Variants in MALRD1 observed in about 807,000 individuals in gnomAD.
The protein encoded by MALRD1 is MAM and LDL-receptor class A domain-containing protein 1.
A neutral mutation model predicts 242.1 loss-of-function variants in MALRD1; 247 were observed. The ratio of observed to expected loss-of-function variants is 1.02; its 90% CI spans 0.92 to 1.13. The LOEUF (loss-of-function observed/expected upper bound fraction) is 1.13, where lower values mean the gene tolerates loss of function less well. MALRD1 is among the 50% of genes most tolerant of loss of function. The pLI is 0.00. For synonymous variants in MALRD1, 995 were observed against 866.6 expected (o/e 1.15, Z -2.60); for missense variants, 2,989 against 2,533.1 (o/e 1.18, Z -3.86).
intron 34 of MALRD1, among the ~76,000 whole-genome samples, chr10:19,604,104 G>A (rs181155298): frequency 1.7e-4 from 26 of 152,278 alleles, no homozygotes; most frequent in African/African-American, 5.5e-4. Context: ...CACCAAGATA[G>A]GCTGAAAGCT....
At chr10:19,099,773 A>AT (rs969841303) in intron 4 of MALRD1, among the ~76,000 whole-genome samples, 9 of 100,838 alleles carry the variant, frequency 8.9e-5, no homozygotes, top group Admixed American at 2.2e-4. Flanking sequence ...ATTTTTTTTA[A>AT]TTTTTTTTGC....
chr10:19,548,033 T>C (rs1203084034), intron 32 of MALRD1, among the ~76,000 whole-genome samples: 4 of 123,068 alleles, frequency 3.3e-5, no homozygotes, highest in African/African-American at 9.6e-5. Flanking sequence ...AAAGTTTCCC[T>C]CTTGTTGGCC....
intron 11 of MALRD1, among the ~76,000 whole-genome samples, chr10:19,147,651 T>C (rs1220902077): frequency 6.6e-6 from 1 of 152,226 alleles, no homozygotes. Flanking sequence ...GATCCCTGCC[T>C]TTGAGGTGGT....
At chr10:19,511,388 T>G (rs1168299977) in intron 31 of MALRD1, among the ~76,000 whole-genome samples, 1 of 152,192 alleles carries the variant, frequency 6.6e-6, no homozygotes, top group East Asian at 1.9e-4. Context: ...TAAGATGTCT[T>G]GTGATTTAAG....
chr10:19,231,326 AT>A (rs908393532), intron 18 of MALRD1, among the ~76,000 whole-genome samples: 5 of 152,056 alleles, frequency 3.3e-5, no homozygotes, highest in Non-Finnish European at 7.4e-5. Context: ...GGTTCCTAGG[AT>A]TTTACCCAGT....
chr10:19,114,328 G>T (rs1161762384), intron 5 of MALRD1, among the ~76,000 whole-genome samples: 1 of 152,176 alleles, frequency 6.6e-6, no homozygotes, highest in African/African-American at 2.4e-5. Context: ...TAAAGAAAAT[G>T]AGTGGACTTA....
chr10:19,295,986 C>A (rs986012620), intron 21 of MALRD1, among the ~76,000 whole-genome samples: 3 of 151,974 alleles, frequency 2.0e-5, no homozygotes, highest in Non-Finnish European at 2.9e-5. Flanking sequence ...TTGAAATTGG[C>A]AGCACAGTGG....
chr10:19,056,615 T>G (rs2131213392), intron 1 of MALRD1, among the ~76,000 whole-genome samples: 1 of 152,230 alleles, frequency 6.6e-6, no homozygotes, highest in Admixed American at 6.5e-5. Flanking sequence ...CATATAAGAT[T>G]ATGTCATCTG....
chr10:19,339,918 G>A (rs1843771060), intron 24 of MALRD1, among the ~76,000 whole-genome samples: 1 of 152,128 alleles, frequency 6.6e-6, no homozygotes, highest in South Asian at 2.1e-4. Flanking sequence ...CACAGTGGAA[G>A]GTGTAGAGGA....
chr10:19,652,135 G>C (rs964966147), intron 36 of MALRD1, among the ~76,000 whole-genome samples: 2 of 152,170 alleles, frequency 1.3e-5, no homozygotes, highest in Non-Finnish European at 2.9e-5. Flanking sequence ...CAGGATGAGA[G>C]CCTGTTCTTG....
chr10:19,711,885 G>C (rs1278510503), intron 38 of MALRD1, among the ~76,000 whole-genome samples: 1 of 152,170 alleles, frequency 6.6e-6, no homozygotes, highest in Non-Finnish European at 1.5e-5. Flanking sequence ...GAGTAGCAGG[G>C]AAGAAATATA....
intron 28 of MALRD1, among the ~76,000 whole-genome samples, chr10:19,392,981 G>A (rs1846401734): frequency 6.6e-6 from 1 of 152,156 alleles, no homozygotes; most frequent in African/African-American, 2.4e-5. Flanking sequence ...TTCATTTTAT[G>A]AGTGAGTCAA....
chr10:19,504,664 ATTTTTTTTTTTTT>A lies in MALRD1; in HGVS notation c.5320+6035_5320+6047del, dbSNP rs759213931. Among the ~76,000 whole-genome samples, 8 of 97,588 alleles carry A rather than the reference ATTTTTTTTTTTTT, an allele frequency of 8.2e-5. No individual in the cohort carries two copies. In the East Asian group the frequency reaches 9.5e-4, roughly 12 times the overall value. 64.0% of individuals were successfully genotyped at this position (97,588 alleles called of 152,430 possible). On this transcript the variant is annotated intron_variant, in intron 31 of 39. Coordinates refer to ENST00000454679, the MANE Select transcript of MALRD1 (RefSeq NM_001142308.3). ...ACATATAATGACTATATTGTAACAC[ATTTTTTTTTTTTT>A]TTTTTTTTTTTTTTTTGAGACGGAG...
At chr10:19,529,476 G>T (rs1228832953) in intron 31 of MALRD1, among the ~76,000 whole-genome samples, 1 of 141,662 alleles carries the variant, frequency 7.1e-6, no homozygotes, top group Non-Finnish European at 1.5e-5. Context: ...AAATTGATAT[G>T]TTAAGAGAGG....
At chr10:19,424,500 T>C (rs534607653) in intron 28 of MALRD1, among the ~76,000 whole-genome samples, 1 of 152,340 alleles carries the variant, frequency 6.6e-6, no homozygotes, top group South Asian at 2.1e-4. Flanking sequence ...AGTTCAGTTC[T>C]AAAACAATAT....
chr10:19,177,558 A>G (rs1402896659), intron 14 of MALRD1, among the ~76,000 whole-genome samples: 2 of 152,182 alleles, frequency 1.3e-5, no homozygotes, highest in African/African-American at 4.8e-5. Context: ...GAAAAGCATA[A>G]CAAATTTGTT....
At chr10:19,732,419 T>C (rs538464401) in intron 39 of MALRD1, among the ~76,000 whole-genome samples, 1 of 152,152 alleles carries the variant, frequency 6.6e-6, no homozygotes, top group East Asian at 1.9e-4. Flanking sequence ...CCTGCCACCA[T>C]GCCCAGCTAA....
intron 36 of MALRD1, among the ~76,000 whole-genome samples, chr10:19,618,965 C>T (rs892511780): frequency 2.6e-5 from 4 of 151,970 alleles, no homozygotes; most frequent in Admixed American, 2.6e-4. Context: ...TCTTGCCTAG[C>T]CTTGGACCTG....
At position 19,209,443 on chromosome 10, in the gene MALRD1, G is replaced by A. The variant is rs1836941865; in HGVS notation, c.2754G>A (p.Glu918=). 3.2e-6 allele frequency: 5 copies of A among 1,550,936 alleles called. No homozygotes were observed. The highest frequency in any genetic ancestry group is 4.4e-6 in the Non-Finnish European group (5 of 1,147,050). Residue 918 remains glutamate, a synonymous_variant, in exon 18 of 40, where the codon GAG becomes GAA. Transcript: ENST00000454679. ...ACTATCTCTACATAGAATCTTCAGA[G>A]CCACAGGCTTTTCAAGACAGTGCTG... ...KGHYLYIESS[E]PQAFQDSAAL... is the part of the protein sequence containing the mutation.
Sources: gnomAD v4.1 joint callset for allele counts (sites outside exome capture counted in the v4.1 genomes callset) on GRCh38, gnomAD v4.1.1 for gene constraint, MANE v1.5 for transcripts, NCBI Gene and HGNC (gene_info 2026-07-23, HGNC 2026-07-21) for gene names.